CTNNA3: variants seen among roughly 807,000 people sequenced by gnomAD.
The protein encoded by CTNNA3 is catenin alpha-3.
A neutral mutation model predicts 95.7 loss-of-function variants in CTNNA3; 76 were observed. The observed-to-expected ratio is 0.79, with a 90% CI of 0.66 to 0.96. The LOEUF (loss-of-function observed/expected upper bound fraction) is 0.96, where lower values mean the gene tolerates loss of function less well. Ranked by LOEUF, CTNNA3 falls within the 40% of genes least tolerant of loss-of-function variation. CTNNA3 has a pLI of 0.00. For missense variants in CTNNA3, 1,191 were observed against 1,089.8 expected, an observed-to-expected ratio of 1.09 and a Z score of -1.31; for synonymous variants, 431 against 374.4, an observed-to-expected ratio of 1.15 and a Z score of -1.74.
intron 5 of CTNNA3, among the ~76,000 whole-genome samples, chr10:67,385,496 A>G (rs1171251915): frequency 6.6e-6 from 1 of 152,222 alleles, no homozygotes; most frequent in Non-Finnish European, 1.5e-5. Flanking sequence ...ACATTCATCA[A>G]AGTAATGGTT....
At chr10:65,999,266 C>T (rs1265465776) in intron 15 of CTNNA3, among the ~76,000 whole-genome samples, 1 of 152,134 alleles carries the variant, frequency 6.6e-6, no homozygotes, top group Non-Finnish European at 1.5e-5. Flanking sequence ...AAAGGCAATG[C>T]ATCAATTTTT....
intron 11 of CTNNA3, among the ~76,000 whole-genome samples, chr10:66,431,951 G>A (rs971291217): frequency 6.6e-6 from 1 of 151,836 alleles, no homozygotes; most frequent in African/African-American, 2.4e-5. Flanking sequence ...TTTAAAGAAT[G>A]TTCAACCTGT....
intron 15 of CTNNA3, among the ~76,000 whole-genome samples, chr10:66,061,756 A>G (rs1050986052): frequency 3.5e-4 from 53 of 152,014 alleles, no homozygotes; most frequent in African/African-American, 1.3e-3. Flanking sequence ...ACCTTCCATG[A>G]CTCAACCCCA....
At chr10:67,309,776 C>CA (rs1360500413) in intron 5 of CTNNA3, among the ~76,000 whole-genome samples, 3 of 151,910 alleles carry the variant, frequency 2.0e-5, no homozygotes, top group African/African-American at 4.8e-5. Context: ...CCAAATAGAA[C>CA]AAAAAAATGA....
At chr10:66,072,933 G>C (rs1589327700) in intron 14 of CTNNA3, among the ~76,000 whole-genome samples, 2 of 152,060 alleles carry the variant, frequency 1.3e-5, no homozygotes, top group Non-Finnish European at 2.9e-5. Context: ...ATACATAATG[G>C]AATACTATTC....
chr10:67,223,473 T>C (rs1414726211), intron 5 of CTNNA3, among the ~76,000 whole-genome samples: 1 of 152,192 alleles, frequency 6.6e-6, no homozygotes, highest in African/African-American at 2.4e-5. Context: ...GATACTTATT[T>C]ATAATCTTTT....
intron 10 of CTNNA3, among the ~76,000 whole-genome samples, chr10:66,524,254 T>C (rs945696863): frequency 3.6e-5 from 1 of 27,944 alleles, no homozygotes; most frequent in Non-Finnish European, 9.7e-5. Context: ...CTCGTACACA[T>C]GTCTATTCCT....
chr10:66,024,359 G>A (rs1306946565), intron 15 of CTNNA3, among the ~76,000 whole-genome samples: 1 of 152,104 alleles, frequency 6.6e-6, no homozygotes, highest in Non-Finnish European at 1.5e-5. Flanking sequence ...AAAGTGCTGG[G>A]ATTACAGGCG....
At chr10:67,422,752 G>A (rs754541146) in intron 5 of CTNNA3, among the ~76,000 whole-genome samples, 1 of 152,064 alleles carries the variant, frequency 6.6e-6, no homozygotes, top group African/African-American at 2.4e-5. Flanking sequence ...ATTACTGTAC[G>A]TTTCCTGAGG....
At chr10:66,055,332 A>G (rs1350568433) in intron 15 of CTNNA3, among the ~76,000 whole-genome samples, 2 of 152,166 alleles carry the variant, frequency 1.3e-5, no homozygotes, top group Admixed American at 1.3e-4. Flanking sequence ...TTTTAACAAT[A>G]TTGATTCTTC....
intron 5 of CTNNA3, among the ~76,000 whole-genome samples, chr10:67,314,834 A>AT (rs1185834732): frequency 1.3e-5 from 2 of 152,172 alleles, no homozygotes; most frequent in Non-Finnish European, 2.9e-5. Context: ...GTAAGATTAT[A>AT]TTTTTCTTCT....
chr10:67,352,365 C>T (rs1178049379), intron 5 of CTNNA3, among the ~76,000 whole-genome samples: 1 of 151,922 alleles, frequency 6.6e-6, no homozygotes, highest in Non-Finnish European at 1.5e-5. Context: ...GCAAGGCATA[C>T]CTGTGCTGAT....
intron 7 of CTNNA3, among the ~76,000 whole-genome samples, chr10:67,066,287 G>A (rs559609425): frequency 2.7e-5 from 4 of 146,256 alleles, no homozygotes; most frequent in African/African-American, 1.0e-4. Context: ...CCGCCTCCCG[G>A]GTTCAAGAGA....
intron 7 of CTNNA3, among the ~76,000 whole-genome samples, chr10:67,015,778 G>A (rs1305651344): frequency 1.3e-5 from 2 of 151,400 alleles, no homozygotes; most frequent in Non-Finnish European, 2.9e-5. Context: ...CACCAATTAC[G>A]TACATGTTGT....
At chr10:67,495,849 T>C (rs1839007187) in intron 5 of CTNNA3, among the ~76,000 whole-genome samples, 1 of 152,334 alleles carries the variant, frequency 6.6e-6, no homozygotes, top group South Asian at 2.1e-4. Flanking sequence ...ATGATTATTG[T>C]AAGAATTAAG....
intron 1 of CTNNA3, among the ~76,000 whole-genome samples, chr10:67,755,457 A>C (rs1841427880): frequency 6.6e-6 from 1 of 152,142 alleles, no homozygotes; most frequent in Admixed American, 6.5e-5. Context: ...AAAGACTAAA[A>C]ATAGAACTAC....
intron 10 of CTNNA3, among the ~76,000 whole-genome samples, chr10:66,562,489 T>C (rs1381407537): frequency 6.6e-6 from 1 of 152,042 alleles, no homozygotes; most frequent in Non-Finnish European, 1.5e-5. Flanking sequence ...CTCTATCCTT[T>C]ACTCTTTGAG....
chr10:66,241,642 C>T (rs540351831), intron 13 of CTNNA3, among the ~76,000 whole-genome samples: 9 of 149,230 alleles, frequency 6.0e-5, no homozygotes, highest in Admixed American at 1.3e-4. Flanking sequence ...CACCCCCAGC[C>T]CCCCCACCTC....
At chr10:67,237,124 A>ATG (rs200531645) in intron 5 of CTNNA3, among the ~76,000 whole-genome samples, 1 of 15,266 alleles carries the variant, frequency 6.6e-5, no homozygotes, top group Non-Finnish European at 1.2e-4. Flanking sequence ...ACTATGGTGT[A>ATG]TGTATATATA....
Sources: allele counts gnomAD v4.1 joint callset (sites outside exome capture counted in the v4.1 genomes callset), GRCh38; gene constraint gnomAD v4.1.1; transcripts MANE v1.5; gene names NCBI Gene and HGNC (gene_info 2026-07-23, HGNC 2026-07-21).